SLC29A3: variants seen among roughly 807,000 people sequenced by gnomAD.
The protein encoded by SLC29A3 is solute carrier family 29 member 3, also known as equilibrative nucleoside transporter 3.
In SLC29A3, 18 loss-of-function variants were observed where a neutral mutation model predicts 25.4. The ratio of observed to expected loss-of-function variants is 0.71; its 90% CI spans 0.49 to 1.05. SLC29A3 has a LOEUF of 1.05. Ranked by LOEUF, SLC29A3 falls within the 50% of genes least tolerant of loss-of-function variation. SLC29A3 has a pLI of 0.00. For missense variants in SLC29A3, 586 were observed against 609.0 expected, an observed-to-expected ratio of 0.96 and a Z score of 0.40; for synonymous variants, 258 against 267.1, an observed-to-expected ratio of 0.97 and a Z score of 0.33.
At chr10:71,334,611 T>C (rs574528252) in intron 2 of SLC29A3, among the ~76,000 whole-genome samples, 34 of 152,328 alleles carry the variant, frequency 2.2e-4, no homozygotes, top group African/African-American at 8.2e-4. Context: ...TCAGTAAATA[T>C]TTGCAGAAGG....
Position 71,322,978 on chromosome 10 carries a change from A to G in SLC29A3, c.224A>G (p.Lys75Arg). ...LLPWNFFITA[K>R]EYWMFKLRNS... Reference sequence around the variant, plus strand: ...CCATGGAACTTCTTTATCACTGCCAAGGAGTACTGGATGTTCAAACTCCGC... The same window carrying G: ...CCATGGAACTTCTTTATCACTGCCAGGGAGTACTGGATGTTCAAACTCCGC... Residue 75 changes from lysine (K) to arginine (R), a missense_variant, in exon 2 of 6, where the codon AAG (lysine) becomes AGG (arginine). Transcript: ENST00000373189. The G allele has an allele frequency of 2.5e-6, 4 of 1,614,164 alleles. No individual in the cohort carries two copies. The highest frequency in any genetic ancestry group is 3.4e-6 in the Non-Finnish European group (4 of 1,180,048).
At chr10:71,332,393 G>A (rs907035295) in intron 2 of SLC29A3, among the ~76,000 whole-genome samples, 1 of 151,880 alleles carries the variant, frequency 6.6e-6, no homozygotes, top group Admixed American at 6.6e-5. Flanking sequence ...CAAGTGATCC[G>A]CCCACCTTGG....
downstream of SLC29A3, among the ~76,000 whole-genome samples, chr10:71,366,920 G>A (rs1001556570): frequency 6.6e-6 from 1 of 152,140 alleles, no homozygotes; most frequent in South Asian, 2.1e-4. Context: ...TATGCCTCTG[G>A]GCCTGAGTCA....
At chr10:71,338,615 C>T (rs956344570) in intron 2 of SLC29A3, among the ~76,000 whole-genome samples, 5 of 151,984 alleles carry the variant, frequency 3.3e-5, no homozygotes, top group African/African-American at 1.2e-4. Flanking sequence ...AAATTAGCTG[C>T]GTGTGGTATT....
chr10:71,360,184 C>T (rs984710732), intron 5 of SLC29A3, among the ~76,000 whole-genome samples: 39 of 119,366 alleles, frequency 3.3e-4, no homozygotes, highest in African/African-American at 1.2e-3. Context: ...TACTCTGTCA[C>T]CTAGGCTGGA....
rs571383900 is a variant in SLC29A3 at position 71,325,684 on chromosome 10, G to A, written c.300+2630G>A. On this transcript the variant is annotated intron_variant, in intron 2 of 5. Coordinates refer to ENST00000373189, the MANE Select transcript of SLC29A3 (RefSeq NM_018344.6). ...GCTGAGGAAGTGCCACAGGAACGCCGCAGAGTAGTTTACAGCCCCTCAACT... is the reference window on the plus strand; with the variant it reads ...GCTGAGGAAGTGCCACAGGAACGCCACAGAGTAGTTTACAGCCCCTCAACT... 4.6e-5 allele frequency among the ~76,000 whole-genome samples: 7 copies of A among 152,208 alleles called. No homozygotes were observed. The East Asian group carries it at 1.4e-3, about 29-fold the overall frequency.
chr10:71,351,604 C>CA lies in SLC29A3; in HGVS notation c.426_427insA (p.Leu143ThrfsTer83). The CA allele has an allele frequency of 6.2e-7, 1 of 1,614,246 alleles. No individual in the cohort carries two copies. The highest frequency in any genetic ancestry group is 2.2e-5 in the East Asian group (1 of 44,882). Reference sequence around the variant, plus strand: ...GTGTCCTGGCCTCACTGACGGTCATCCTGGCCATCTTCATGGTGATAACTG... The same window carrying CA: ...GTGTCCTGGCCTCACTGACGGTCATCACTGGCCATCTTCATGGTGATAACTG... On this transcript the variant is annotated frameshift_variant, in exon 4 of 6. Coordinates refer to ENST00000373189, the MANE Select transcript of SLC29A3 (RefSeq NM_018344.6). LOFTEE classifies it high-confidence loss of function.
At chr10:71,352,683 A>T (rs1487516462) in intron 4 of SLC29A3, 1 of 152,362 alleles carries the variant, frequency 6.6e-6, no homozygotes, top group Non-Finnish European at 1.5e-5. Flanking sequence ...TCCCGTGGGT[A>T]TGCCTGTGCA....
downstream of SLC29A3, chr10:71,365,718 C>G (rs1341718205): frequency 6.6e-6 from 1 of 152,086 alleles, no homozygotes; most frequent in African/African-American, 2.4e-5. Context: ...TGGGGGAGTT[C>G]AGACGTGCTT....
intron 4 of SLC29A3, among the ~76,000 whole-genome samples, chr10:71,376,742 T>C (rs12244333): frequency 0.027 from 4,145 of 152,066 alleles, 100 homozygotes; most frequent in African/African-American, 0.061. Context: ...CAATTAGAAG[T>C]GGGTTTTTGT....
At chr10:71,375,651 A>G (rs1473819295) in intron 3 of SLC29A3, 1 of 152,224 alleles carries the variant, frequency 6.6e-6, no homozygotes, top group African/African-American at 2.4e-5. Flanking sequence ...TTTAAAAAAA[A>G]TGCAGGTGGT....
chr10:71,340,943 C>T (rs1479297476), intron 2 of SLC29A3, among the ~76,000 whole-genome samples: 1 of 152,198 alleles, frequency 6.6e-6, no homozygotes, highest in Non-Finnish European at 1.5e-5. Context: ...AGAGCAAACA[C>T]AATGGGCGAT....
At chr10:71,364,438 T>C (rs867602375), downstream of SLC29A3, 3 of 152,180 alleles carry the variant, frequency 2.0e-5, no homozygotes, top group Admixed American at 6.5e-5. Flanking sequence ...AATTTATATT[T>C]TTTTCAGGTG....
chr10:71,323,701 T>TG (rs1200034658), intron 2 of SLC29A3, among the ~76,000 whole-genome samples: 2 of 152,268 alleles, frequency 1.3e-5, no homozygotes, highest in Admixed American at 1.3e-4. Context: ...GGTTCTGTTA[T>TG]GGAAGACAAG....
Position 71,361,961 on chromosome 10 carries a change from A to G in SLC29A3, c.781A>G (p.Met261Val), listed in dbSNP as rs375978498. Reference protein sequence around the residue: ...LSRLEYARYYMRPVLAAHVFS... With the variant: ...LSRLEYARYYVRPVLAAHVFS... ...CCTGTCTCCTCCCTGCAGGTACTAC[A>G]TGAGGCCTGTTCTTGCGGCCCATGT... The change falls in exon 6 of 6, where the codon ATG becomes GTG. Residue 261 changes from methionine to valine, a missense_variant. Coordinates refer to ENST00000373189, the MANE Select transcript of SLC29A3 (RefSeq NM_018344.6). 5 of 1,614,002 alleles carry G rather than the reference A, an allele frequency of 3.1e-6. No homozygotes were observed. Among genetic ancestry groups the G allele is most frequent in the Non-Finnish European group, 4.2e-6 (5 of 1,180,000 alleles).
chr10:71,367,865 C>G (rs1203120353), downstream of SLC29A3, among the ~76,000 whole-genome samples: 1 of 152,212 alleles, frequency 6.6e-6, no homozygotes, highest in Non-Finnish European at 1.5e-5. Context: ...GGTTGGAATG[C>G]TGTTTCTGCC....
chr10:71,319,301 A>C lies in SLC29A3; in HGVS notation c.-9A>C, dbSNP rs1845789634. On this transcript the variant is annotated 5_prime_UTR_variant, in exon 1 of 6. Coordinates refer to ENST00000373189, the MANE Select transcript of SLC29A3 (RefSeq NM_018344.6). ...GCCGGAGGCAGCGGCGGCGTGGCGC[A>C]GCGGCGACAGTAAGTGCGGGCCGGC... 1.6e-6 allele frequency: 1 copy of C among 644,624 alleles called. No individual in the cohort carries two copies. The highest frequency in any genetic ancestry group is 2.8e-6 in the Non-Finnish European group (1 of 359,164). 39.9% of individuals were successfully genotyped at this position (644,624 alleles called of 1,614,324 possible).
At chr10:71,368,909 C>A (rs568685419) in intron 3 of SLC29A3, among the ~76,000 whole-genome samples, 2 of 152,310 alleles carry the variant, frequency 1.3e-5, no homozygotes, top group Non-Finnish European at 2.9e-5. Flanking sequence ...TGGCAATGCA[C>A]ATAAAACATT....
chr10:71,335,022 G>A (rs557653489), intron 2 of SLC29A3, among the ~76,000 whole-genome samples: 2 of 146,208 alleles, frequency 1.4e-5, no homozygotes, highest in South Asian at 4.3e-4. Context: ...AACACATTGA[G>A]CACATACAAG....
Sources: allele counts gnomAD v4.1 joint callset (sites outside exome capture counted in the v4.1 genomes callset), GRCh38; gene constraint gnomAD v4.1.1; transcripts MANE v1.5; gene names NCBI Gene and HGNC (gene_info 2026-07-23, HGNC 2026-07-21).